RNLS: variants seen among roughly 807,000 people sequenced by gnomAD.
The protein encoded by RNLS is renalase, FAD dependent amine oxidase.
In RNLS, 39 loss-of-function variants were observed where a neutral mutation model predicts 39.8. The observed-to-expected ratio is 0.98, with a 90% CI of 0.76 to 1.28. The LOEUF (loss-of-function observed/expected upper bound fraction) is 1.28, where lower values mean the gene tolerates loss of function less well. Among genes scored for constraint, RNLS ranks in the 50% most tolerant of loss-of-function variants. The probability of loss-of-function intolerance (pLI) is 0.00; values close to 1 mark genes in which losing one functional copy is unlikely to be tolerated. For synonymous variants in RNLS, 147 were observed against 150.7 expected, an observed-to-expected ratio of 0.98 and a Z score of 0.18; for missense variants, 410 against 413.3, an observed-to-expected ratio of 0.99 and a Z score of 0.07.
chr10:88,542,780 C>A (rs1180161766), intron 4 of RNLS, among the ~76,000 whole-genome samples: 1 of 152,002 alleles, frequency 6.6e-6, no homozygotes, highest in Non-Finnish European at 1.5e-5. Context: ...TACAAAGGGC[C>A]CCTAGAGCAG....
intron 4 of RNLS, among the ~76,000 whole-genome samples, chr10:88,549,287 G>A (rs888585586): frequency 9.9e-5 from 15 of 151,944 alleles, no homozygotes; most frequent in Non-Finnish European, 1.2e-4. Flanking sequence ...TTTTATGGTG[G>A]CTCATGCCTG....
chr10:88,342,674 G>C (rs1474402987), intron 5 of RNLS, among the ~76,000 whole-genome samples: 4 of 152,082 alleles, frequency 2.6e-5, no homozygotes, highest in Non-Finnish European at 4.4e-5. Context: ...AAATAAAATA[G>C]AGAAACCATT....
At chr10:88,277,223 G>A (rs1473919564) in intron 6 of RNLS, among the ~76,000 whole-genome samples, 1 of 152,088 alleles carries the variant, frequency 6.6e-6, no homozygotes, top group African/African-American at 2.4e-5. Context: ...ACTATCACAA[G>A]GACAGAAAAC....
intron 2 of RNLS, 103 bp downstream of exon 2, chr10:88,582,099 G>T: frequency 1.2e-6 from 1 of 842,832 alleles, no homozygotes; most frequent in Non-Finnish European, 1.8e-6. Context: ...GATATTTATC[G>T]AGCCCTTACT....
chr10:88,248,766 C>T, the RNLS span, among the ~76,000 whole-genome samples: 2 of 152,156 alleles, frequency 1.3e-5, no homozygotes, highest in South Asian at 4.2e-4. Flanking sequence ...CTATTGTGGC[C>T]CAGGTAACTC....
chr10:88,345,524 ACTATTAGTGTGT>A (rs1376972302), intron 5 of RNLS, among the ~76,000 whole-genome samples: 2 of 152,168 alleles, frequency 1.3e-5, no homozygotes, highest in African/African-American at 4.8e-5. Context: ...CTAAACCTGC[ACTATTAGTGTGT>A]CATTCTCTCT....
intron 4 of RNLS, among the ~76,000 whole-genome samples, chr10:88,424,782 T>G (rs1471944249): frequency 6.6e-6 from 1 of 151,966 alleles, no homozygotes; most frequent in Non-Finnish European, 1.5e-5. Context: ...GTAAGGAAAA[T>G]GCATAGGACC....
chr10:88,402,431 G>GA (rs374860066), intron 4 of RNLS, among the ~76,000 whole-genome samples: 13,424 of 149,020 alleles, frequency 0.09, 646 homozygotes, highest in South Asian at 0.13. Context: ...CATGTCTCTG[G>GA]AAAAAAAAAC....
chr10:88,203,493 T>TATATATATA, the RNLS span, among the ~76,000 whole-genome samples: 2 of 138,232 alleles, frequency 1.4e-5, no homozygotes, highest in Admixed American at 7.4e-5. Flanking sequence ...TATATATATA[T>TATATATATA]TTCAAGAGAG....
chr10:88,209,963 T>C, the RNLS span, among the ~76,000 whole-genome samples: 5 of 152,182 alleles, frequency 3.3e-5, no homozygotes, highest in Non-Finnish European at 7.4e-5. Context: ...AGAATTCAAA[T>C]TTATGGTTGT....
the RNLS span, among the ~76,000 whole-genome samples, chr10:88,267,495 G>A: frequency 6.6e-6 from 1 of 152,290 alleles, no homozygotes; most frequent in African/African-American, 2.4e-5. Flanking sequence ...AGGATTGCTT[G>A]AGTCCAGGAT....
chr10:88,459,930 C>T (rs1842851400), intron 4 of RNLS, among the ~76,000 whole-genome samples: 2 of 152,182 alleles, frequency 1.3e-5, no homozygotes, highest in Non-Finnish European at 2.9e-5. Flanking sequence ...TGAATAATTA[C>T]CTCATATCCC....
chr10:88,377,867 T>C (rs778925496), intron 4 of RNLS, among the ~76,000 whole-genome samples: 3 of 152,224 alleles, frequency 2.0e-5, no homozygotes, highest in South Asian at 2.1e-4. Flanking sequence ...TTGTAAACTT[T>C]TTTTTAAACT....
chr10:88,268,542 A>C, the RNLS span, among the ~76,000 whole-genome samples: 1 of 152,212 alleles, frequency 6.6e-6, no homozygotes, highest in East Asian at 1.9e-4. Flanking sequence ...TGACAGTTTC[A>C]AAAATGAATC....
intron 4 of RNLS, among the ~76,000 whole-genome samples, chr10:88,542,814 C>G (rs770262470): frequency 1.3e-5 from 2 of 152,108 alleles, no homozygotes; most frequent in African/African-American, 4.8e-5. Flanking sequence ...AGCCTTCCCT[C>G]CGAGTTTTAC....
At chr10:88,428,583 C>G (rs1854949733) in intron 4 of RNLS, among the ~76,000 whole-genome samples, 1 of 151,860 alleles carries the variant, frequency 6.6e-6, no homozygotes, top group African/African-American at 2.4e-5. Context: ...AGAGGACAGT[C>G]ACAAATGTGT....
the RNLS span, among the ~76,000 whole-genome samples, chr10:88,231,774 C>A: frequency 6.6e-6 from 1 of 152,160 alleles, no homozygotes; most frequent in Non-Finnish European, 1.5e-5. Flanking sequence ...AAGCACTAGG[C>A]AGACAGAAGT....
intron 3 of RNLS, among the ~76,000 whole-genome samples, chr10:88,577,454 C>T (rs1459832979): frequency 1.3e-5 from 2 of 152,178 alleles, no homozygotes; most frequent in Non-Finnish European, 2.9e-5. Flanking sequence ...GACAAAGTAC[C>T]TGAGTCTCAT....
At chr10:88,537,094 A>G (rs1005706589) in intron 4 of RNLS, among the ~76,000 whole-genome samples, 2 of 152,200 alleles carry the variant, frequency 1.3e-5, no homozygotes, top group East Asian at 3.8e-4. Flanking sequence ...CTGAACTTCT[A>G]GAGATCTTGG....
Sources: gnomAD v4.1 joint callset for allele counts (sites outside exome capture counted in the v4.1 genomes callset) on GRCh38, gnomAD v4.1.1 for gene constraint, MANE v1.5 for transcripts, NCBI Gene and HGNC (gene_info 2026-07-23, HGNC 2026-07-21) for gene names.